The following CELF2 variants were observed in gnomAD, a reference collection of about 807,000 sequenced individuals.
The protein encoded by CELF2 is CUG triplet repeat RNA-binding protein 2.
A neutral mutation model predicts 62.6 loss-of-function variants in CELF2; 8 were observed. The observed-to-expected ratio is 0.13, with a 90% confidence interval of 0.07 to 0.23. The LOEUF (loss-of-function observed/expected upper bound fraction) is 0.23. Ranked by LOEUF, CELF2 falls within the 10% of genes least tolerant of loss-of-function variation. CELF2 has a pLI of 1.00. For missense variants in CELF2, 333 were observed against 671.0 expected (o/e 0.50, Z 5.56); for synonymous variants, 258 against 250.0 (o/e 1.03, Z -0.30).
upstream of CELF2, among the ~76,000 whole-genome samples, chr10:11,014,580 A>C (rs770584937): frequency 6.6e-6 from 1 of 151,794 alleles, no homozygotes; most frequent in Non-Finnish European, 1.5e-5. Context: ...AGCAGTTTGT[A>C]CTCTGCGTAC....
the CELF2 span, among the ~76,000 whole-genome samples, chr10:10,789,941 A>G: frequency 6.6e-6 from 1 of 152,006 alleles, no homozygotes; most frequent in Admixed American, 6.6e-5. Context: ...TTTTAATTGC[A>G]TTTTATTTAA....
chr10:11,126,983 G>A (rs1013630186), intron 1 of CELF2, among the ~76,000 whole-genome samples: 3 of 151,366 alleles, frequency 2.0e-5, no homozygotes, highest in Non-Finnish European at 2.9e-5. Flanking sequence ...TGCCATGTTC[G>A]TTTGCTGCAC....
chr10:10,948,522 GC>G (rs1207337136), intron 2 of CELF2: 3 of 152,158 alleles, frequency 2.0e-5, no homozygotes, highest in African/African-American at 7.2e-5. Flanking sequence ...ATTTGATCAA[GC>G]TTTATATAAA....
At chr10:10,872,172 T>C (rs1008699967) in intron 1 of CELF2, among the ~76,000 whole-genome samples, 5 of 152,220 alleles carry the variant, frequency 3.3e-5, no homozygotes, top group African/African-American at 1.2e-4. Flanking sequence ...TGGAATCTTT[T>C]TGGCAAGTAC....
chr10:10,471,751 T>A, the CELF2 span, among the ~76,000 whole-genome samples: 1 of 151,866 alleles, frequency 6.6e-6, no homozygotes, highest in African/African-American at 2.4e-5. Flanking sequence ...AAAAGATGTT[T>A]ATGTACATCT....
At chr10:10,573,791 T>C in the CELF2 span, among the ~76,000 whole-genome samples, 2 of 152,090 alleles carry the variant, frequency 1.3e-5, no homozygotes, top group South Asian at 2.1e-4. Context: ...AAATAGTCAA[T>C]CAAAAATATT....
chr10:11,043,766 CAT>C (rs756233630), intron 1 of CELF2, among the ~76,000 whole-genome samples: 8 of 152,210 alleles, frequency 5.3e-5, no homozygotes, highest in Admixed American at 2.6e-4. Flanking sequence ...ACCGAGTACA[CAT>C]GTTTCCCATC....
intron 1 of CELF2, among the ~76,000 whole-genome samples, chr10:11,146,820 T>C (rs1327814336): frequency 1.3e-5 from 2 of 152,254 alleles, no homozygotes; most frequent in Admixed American, 1.3e-4. Context: ...GGTGTGTTTA[T>C]CCACATAGTG....
the CELF2 span, among the ~76,000 whole-genome samples, chr10:10,605,105 G>T: frequency 2.0e-5 from 3 of 152,310 alleles, no homozygotes; most frequent in African/African-American, 7.2e-5. Flanking sequence ...AAAAGAATGA[G>T]ATCATGTCCT....
exon 1 of CELF2, chr10:10,798,693 C>A (rs1455558923): frequency 2.5e-6 from 1 of 398,682 alleles, no homozygotes; most frequent in Non-Finnish European, 4.4e-6. Flanking sequence ...GGTCCAGAAT[C>A]CTCCGTCTGT....
At chr10:11,137,043 ATG>A (rs1350382519) in intron 1 of CELF2, among the ~76,000 whole-genome samples, 1 of 152,232 alleles carries the variant, frequency 6.6e-6, no homozygotes, top group African/African-American at 2.4e-5. Flanking sequence ...ATATGTGTAT[ATG>A]TGACTATATG....
At chr10:11,201,919 A>T (rs1470402473) in intron 2 of CELF2, among the ~76,000 whole-genome samples, 1 of 151,996 alleles carries the variant, frequency 6.6e-6, no homozygotes, top group South Asian at 2.1e-4. Context: ...TTTTCTGCTG[A>T]GAATCCTGTG....
the CELF2 span, among the ~76,000 whole-genome samples, chr10:10,577,833 T>C: frequency 2.5e-4 from 38 of 152,298 alleles, no homozygotes; most frequent in African/African-American, 7.2e-4. Context: ...TGTGCATGTG[T>C]CTTTATAGCA....
chr10:10,542,336 T>G, the CELF2 span, among the ~76,000 whole-genome samples: 1 of 152,016 alleles, frequency 6.6e-6, no homozygotes, highest in East Asian at 1.9e-4. Context: ...TGGAGCCCAC[T>G]TACTTAACCC....
chr10:11,046,433 C>T lies in CELF2; in HGVS notation c.74+28270C>T, dbSNP rs973276882. On this transcript the variant is annotated intron_variant, in intron 1 of 12. Coordinates refer to ENST00000633077, the MANE Select transcript of CELF2 (RefSeq NM_001326342.2). This position sits in a 1 kb window ranked among gnomAD's most constrained non-coding sequence, Gnocchi z 4.6. The stretch of plus-strand genomic sequence containing the variant: ...CAATAAGTACTTGTTGGTTCACTGC[C>T]TCTGATGACACCGAAATGAAATATA... Among the ~76,000 whole-genome samples the T allele has an allele frequency of 2.6e-5, 4 of 152,152 alleles. No individual in the cohort carries two copies. The highest frequency in any genetic ancestry group is 1.9e-4 in the East Asian group (1 of 5,198).
rs139406706 is a variant in CELF2, at chr10:10,956,276, C to T, written c.89+36277C>T. Reference sequence around the variant, plus strand: ...AATGGAAGCTTATGGTATCTCTGCTCTATTTCTTCAAGAGAGTGCCATAAT... The same window carrying T: ...AATGGAAGCTTATGGTATCTCTGCTTTATTTCTTCAAGAGAGTGCCATAAT... On this transcript the variant is annotated intron_variant, in intron 2 of 13. Transcript: ENST00000636488. Among the ~76,000 whole-genome samples, 242 of 152,316 alleles carry T rather than the reference C, an allele frequency of 1.6e-3. 2 individuals carry two copies. Among genetic ancestry groups the T allele is most frequent in the African/African-American group, 5.6e-3 (233 of 41,580 alleles).
At position 10,918,721 on chromosome 10, in the gene CELF2, C is replaced by G. The variant is rs145486122; in HGVS notation, c.54-1243C>G. 4.6e-5 allele frequency among the ~76,000 whole-genome samples: 7 copies of G among 152,320 alleles called. No homozygotes were observed. The East Asian group carries it at 1.2e-3, about 25-fold the overall frequency. ...TGGATTCAGGAGGTCAATGAACCGT[C>G]TGCAAGTGTGTACCACAGTCTGTGT... On this transcript the variant is annotated intron_variant, in intron 1 of 13. Transcript: ENST00000636488.
At position 11,217,435 on chromosome 10, in the gene CELF2, C is replaced by T. The variant is rs1565364868; in HGVS notation, c.282C>T (p.Phe94=). 2 of 1,611,768 alleles carry T rather than the reference C, an allele frequency of 1.2e-6. No homozygotes were observed. Among genetic ancestry groups the T allele is most frequent in the Non-Finnish European group, 1.7e-6 (2 of 1,178,264 alleles). ...QNPPQSKGCC[F]VTFYTRKAAL... The stretch of plus-strand genomic sequence containing the variant: ...CATTTCTCTCTGTAGGTTGTTGTTT[C>T]GTAACATTTTATACAAGAAAAGCTG... The change falls in exon 3 of 13, where the codon TTC becomes TTT. Residue 94 remains phenylalanine (F), a synonymous_variant. Transcript: ENST00000633077. The surrounding 1 kb of genome is among the most constrained non-coding windows in gnomAD (Gnocchi z 5.6).
chr10:11,283,669 G>A (rs2089826712), intron 8 of CELF2, among the ~76,000 whole-genome samples: 1 of 151,848 alleles, frequency 6.6e-6, no homozygotes, highest in Non-Finnish European at 1.5e-5. Context: ...TGGATAATGG[G>A]TGGGTGGATG....
Sources: gnomAD v4.1 joint callset for allele counts (sites outside exome capture counted in the v4.1 genomes callset) on GRCh38, gnomAD v4.1.1 for gene constraint, Gnocchi (gnomAD v3.1) non-coding constraint, MANE v1.5 for transcripts, NCBI Gene and HGNC (gene_info 2026-07-23, HGNC 2026-07-21) for gene names.